The following MTUS1 variants were observed in gnomAD, a reference collection of about 807,000 sequenced individuals.
MTUS1 encodes microtubule-associated tumor suppressor 1.
MTUS1 carries 109 observed loss-of-function variants against 120.8 expected under a neutral mutation model. The observed-to-expected ratio is 0.90, with a 90% CI of 0.77 to 1.06. The LOEUF (loss-of-function observed/expected upper bound fraction) is 1.06, where lower values mean the gene tolerates loss of function less well. Among genes scored for constraint, MTUS1 ranks in the 50% least tolerant of loss-of-function variants. MTUS1 has a pLI of 0.00. For synonymous variants in MTUS1, 737 were observed against 550.5 expected, an observed-to-expected ratio of 1.34 and a Z score of -4.74; for missense variants, 2,210 against 1,486.3, an observed-to-expected ratio of 1.49 and a Z score of -8.01.
intron 13 of MTUS1, among the ~76,000 whole-genome samples, chr8:17,648,676 A>G (rs7465275): frequency 0.61 from 92,710 of 152,062 alleles, 29,293 homozygotes; most frequent in Middle Eastern, 0.73. Context: ...CCCTCAACAG[A>G]AGTCATAGTC....
chr8:17,786,993 A>G (rs1183010000), intron 1 of MTUS1, among the ~76,000 whole-genome samples: 4 of 152,378 alleles, frequency 2.6e-5, no homozygotes, highest in Admixed American at 2.0e-4. Flanking sequence ...CTTTCCTAGT[A>G]CACTTGACAA....
At chr8:17,769,346 ATT>A (rs34688586) in intron 1 of MTUS1, among the ~76,000 whole-genome samples, 4,268 of 106,076 alleles carry the variant, frequency 0.04, 76 homozygotes, top group African/African-American at 0.072. Flanking sequence ...TTAGTCAGTA[ATT>A]TTTTTTTTTT....
At chr8:17,780,893 A>C (rs778622990) in intron 1 of MTUS1, 1 of 152,224 alleles carries the variant, frequency 6.6e-6, no homozygotes, top group Non-Finnish European at 1.5e-5. Flanking sequence ...GCAAAAGGTG[A>C]CGTGAGGCAT....
intron 1 of MTUS1, among the ~76,000 whole-genome samples, chr8:17,786,017 A>T (rs1024200354): frequency 6.6e-6 from 1 of 152,148 alleles, no homozygotes; most frequent in Non-Finnish European, 1.5e-5. Flanking sequence ...GCACATGCCC[A>T]TAGTCCCAGC....
At chr8:17,785,530 C>A (rs567424825) in intron 1 of MTUS1, among the ~76,000 whole-genome samples, 1 of 152,308 alleles carries the variant, frequency 6.6e-6, no homozygotes, top group East Asian at 1.9e-4. Context: ...CGACTGCCAA[C>A]ACATCATAAA....
intron 12 of MTUS1, among the ~76,000 whole-genome samples, chr8:17,652,401 T>C (rs1206882327): frequency 1.3e-5 from 2 of 152,198 alleles, no homozygotes; most frequent in African/African-American, 4.8e-5. Flanking sequence ...AAGGACCACA[T>C]GTTCTACAAT....
chr8:17,743,520 G>C lies in MTUS1; in HGVS notation c.2287+84C>G, dbSNP rs114804129. On this transcript the variant is annotated intron_variant, in intron 3 of 14. Coordinates refer to ENST00000693296, the MANE Select transcript of MTUS1 (RefSeq NM_001363059.2). Reference sequence around the variant, plus strand: ...TCCACAAAAGGCTAACTGCTTTAGTGACAGAAGGCATTAGACCTATAATCA... The same window carrying C: ...TCCACAAAAGGCTAACTGCTTTAGTCACAGAAGGCATTAGACCTATAATCA... The C allele has an allele frequency of 2.0e-3, 2,591 of 1,310,850 alleles. 35 individuals carry two copies. In the African/African-American group the frequency reaches 0.033, roughly 17 times the overall value. The allele number at this position is 1,310,850 out of a possible 1,614,324, so 81.2% of individuals were successfully genotyped here.
At chr8:17,658,196 C>T (rs1462713333) in intron 8 of MTUS1, among the ~76,000 whole-genome samples, 2 of 152,088 alleles carry the variant, frequency 1.3e-5, no homozygotes, top group African/African-American at 4.8e-5. Context: ...GCCACCACGA[C>T]CAGCTAATTT....
In MTUS1 at chr8:17,723,722, G is replaced by T; in HGVS notation, c.2399C>A (p.Thr800Asn). ...ACTGTGGGTGCTGGCTATTGAGGGG[G>T]TGCTTCCTGTCCTCCGCAGCGCAGG... ...KSPALRRTGS[T>N]PSIASTHSEL... The change falls in exon 4 of 15, where the codon ACC becomes AAC. Residue 800 changes from threonine to asparagine, a missense_variant. Transcript: ENST00000693296. 2 of 1,611,006 alleles carry T rather than the reference G, an allele frequency of 1.2e-6. No homozygotes were observed. Among genetic ancestry groups the T allele is most frequent in the Non-Finnish European group, 8.5e-7 (1 of 1,177,916 alleles).
At chr8:17,772,178 A>G (rs1045498762) in intron 1 of MTUS1, among the ~76,000 whole-genome samples, 2 of 152,220 alleles carry the variant, frequency 1.3e-5, no homozygotes, top group Non-Finnish European at 2.9e-5. Flanking sequence ...TATCCTTGAA[A>G]TGGCATGAAT....
At chr8:17,770,174 T>C (rs1051699459) in intron 1 of MTUS1, among the ~76,000 whole-genome samples, 2 of 152,222 alleles carry the variant, frequency 1.3e-5, no homozygotes, top group African/African-American at 2.4e-5. Context: ...GAGCCCTGCA[T>C]TTGATTATTA....
At chr8:17,706,784 AAAG>A (rs1820257978) in intron 6 of MTUS1, among the ~76,000 whole-genome samples, 1 of 152,236 alleles carries the variant, frequency 6.6e-6, no homozygotes, top group African/African-American at 2.4e-5. Flanking sequence ...TAAATATTCA[AAAG>A]TAGTTAAATG....
rs558309002 is a variant in MTUS1 at position 17,654,730 on chromosome 8, A to G, written c.3109-64T>C. The G allele has an allele frequency of 4.4e-6, 5 of 1,137,996 alleles. No individual in the cohort carries two copies. In the African/African-American group the frequency reaches 7.6e-5, roughly 17 times the overall value. The allele number at this position is 1,137,996 out of a possible 1,614,324, so 70.5% of individuals were successfully genotyped here. ...CCAAATGTCCTAAGTTGAATACGCA[A>G]AGCAACCACATTAGGAGACGTCACA... is the stretch of plus-strand genomic sequence containing the variant. On this transcript the variant is annotated intron_variant, in intron 9 of 14. Transcript: ENST00000693296.
At chr8:17,771,699 T>A (rs1363577231) in intron 1 of MTUS1, among the ~76,000 whole-genome samples, 1 of 152,212 alleles carries the variant, frequency 6.6e-6, no homozygotes, top group African/African-American at 2.4e-5. Flanking sequence ...TAGATTCTCT[T>A]GAAATTAAAT....
At chr8:17,742,271 T>G (rs2047374503) in intron 3 of MTUS1, among the ~76,000 whole-genome samples, 1 of 122,336 alleles carries the variant, frequency 8.2e-6, no homozygotes, top group Non-Finnish European at 1.7e-5. Flanking sequence ...GCCCAGCTGT[T>G]TTTTTTTTTT....
At chr8:17,741,342 G>A (rs1222894626) in intron 3 of MTUS1, among the ~76,000 whole-genome samples, 1 of 152,172 alleles carries the variant, frequency 6.6e-6, no homozygotes, top group Non-Finnish European at 1.5e-5. Context: ...CAAGTATTCA[G>A]ACCATAAAAG....
At chr8:17,680,666 T>C (rs1321629229) in intron 7 of MTUS1, among the ~76,000 whole-genome samples, 1 of 152,084 alleles carries the variant, frequency 6.6e-6, no homozygotes, top group Non-Finnish European at 1.5e-5. Flanking sequence ...GTGAATTTTT[T>C]TCCTCTAGCG....
chr8:17,731,787 A>G (rs2046602020), intron 3 of MTUS1, among the ~76,000 whole-genome samples: 1 of 152,258 alleles, frequency 6.6e-6, no homozygotes. Context: ...CAATGAATAC[A>G]AAGAGTTGAT....
At chr8:17,666,863 C>T (rs2904716) in intron 8 of MTUS1, among the ~76,000 whole-genome samples, 60,908 of 151,786 alleles carry the variant, frequency 0.4, 12,655 homozygotes, top group East Asian at 0.49. Flanking sequence ...GTATAGGAGA[C>T]GTTGGGGTTT....
Sources: allele counts gnomAD v4.1 joint callset (sites outside exome capture counted in the v4.1 genomes callset), GRCh38; gene constraint gnomAD v4.1.1; transcripts MANE v1.5; gene names NCBI Gene and HGNC (gene_info 2026-07-23, HGNC 2026-07-21).